CRLF3: variants seen among roughly 807,000 people sequenced by gnomAD.
CRLF3 encodes the protein cytokine receptor like factor 3.
A neutral mutation model predicts 55.0 loss-of-function variants in CRLF3; 33 were observed. That is an observed-to-expected ratio of 0.60 (90% CI 0.46 to 0.80). The LOEUF is 0.80. CRLF3 is among the 30% of genes least tolerant of loss of function. CRLF3 has a pLI of 0.00. For synonymous variants in CRLF3, 238 were observed against 196.8 expected, an observed-to-expected ratio of 1.21 and a Z score of -1.75; for missense variants, 494 against 538.4, an observed-to-expected ratio of 0.92 and a Z score of 0.82.
At chr17:30,798,111 A>G (rs1971952134) in intron 2 of CRLF3, among the ~76,000 whole-genome samples, 3 of 152,006 alleles carry the variant, frequency 2.0e-5, no homozygotes, top group African/African-American at 2.4e-5. Flanking sequence ...TGGGTGCGGT[A>G]GCTCACGCCT....
chr17:30,797,926 C>T (rs1039998533), intron 2 of CRLF3, among the ~76,000 whole-genome samples: 5 of 148,684 alleles, frequency 3.4e-5, no homozygotes, highest in African/African-American at 1.3e-4. Context: ...ACGTGCACGC[C>T]ACCATGCCCA....
At chr17:30,791,476 G>C (rs978645906) in intron 6 of CRLF3, among the ~76,000 whole-genome samples, 1 of 151,760 alleles carries the variant, frequency 6.6e-6, no homozygotes. Context: ...CAAAGTGCTG[G>C]GATTACAAGT....
chr17:30,794,682 C>CA (rs1291508819), intron 4 of CRLF3, among the ~76,000 whole-genome samples: 1 of 152,052 alleles, frequency 6.6e-6, no homozygotes, highest in Admixed American at 6.6e-5. Flanking sequence ...GCCTGAAGTC[C>CA]CAATTACTTG....
chr17:30,812,177 G>C (rs908702943), intron 1 of CRLF3, among the ~76,000 whole-genome samples: 1 of 151,888 alleles, frequency 6.6e-6, no homozygotes, highest in Admixed American at 6.6e-5. Context: ...AATTGAAAAC[G>C]CTAATCAACA....
intron 6 of CRLF3, chr17:30,790,655 C>G (rs1223862427): frequency 8.2e-6 from 1 of 121,702 alleles, no homozygotes; most frequent in Non-Finnish European, 1.6e-5. Context: ...CTTGCACTGT[C>G]TCCCAGGCTG....
rs554016959 is a variant in CRLF3, at chr17:30,784,452, TTAAGG to T, written c.1073-14_1073-10del. ...ATTGACAAAAACTGCACCTAAAATG[TTAAGG>T]TAAAGAGTCATTTACATGTGAGCAA... On this transcript the variant is annotated splice_polypyrimidine_tract_variant and intron_variant, in intron 7 of 7. Coordinates refer to ENST00000324238, the MANE Select transcript of CRLF3 (RefSeq NM_015986.4). The T allele has an allele frequency of 3.8e-4, 616 of 1,608,788 alleles. No homozygotes were observed. The highest frequency in any genetic ancestry group is 6.6e-4 in the Middle Eastern group (4 of 6,030).
chr17:30,805,437 G>A (rs946673849), intron 1 of CRLF3, among the ~76,000 whole-genome samples: 12 of 152,074 alleles, frequency 7.9e-5, no homozygotes, highest in Admixed American at 5.9e-4. Context: ...ATGGTCAGCT[G>A]GGCATGGAGG....
At chr17:30,823,732 A>T (rs1905060554) in intron 1 of CRLF3, among the ~76,000 whole-genome samples, 2 of 152,052 alleles carry the variant, frequency 1.3e-5, no homozygotes, top group African/African-American at 2.4e-5. Context: ...TGTATCTTTG[A>T]TAACTCTTGC....
intron 2 of CRLF3, chr17:30,801,069 CA>C (rs1352409885): frequency 1.3e-5 from 2 of 151,500 alleles, no homozygotes; most frequent in African/African-American, 2.4e-5. Context: ...CCACTGTGCT[CA>C]GCACGCCTAG....
chr17:30,819,327 C>T lies in CRLF3; in HGVS notation c.129+5196G>A, dbSNP rs1343398856. On this transcript the variant is annotated intron_variant, in intron 1 of 7. Coordinates refer to ENST00000324238, the MANE Select transcript of CRLF3 (RefSeq NM_015986.4). Reference sequence around the variant, plus strand: ...GACACCTCCAGTACCTCAACTAATTCCCCTTTGATAATGTACCAAGATGAA... The same window carrying T: ...GACACCTCCAGTACCTCAACTAATTTCCCTTTGATAATGTACCAAGATGAA... Among the ~76,000 whole-genome samples the T allele has an allele frequency of 2.0e-5, 3 of 152,198 alleles. No homozygotes were observed. The East Asian group carries it at 5.8e-4, about 29-fold the overall frequency.
chr17:30,797,093 G>A (rs974687807), intron 3 of CRLF3, among the ~76,000 whole-genome samples: 1 of 151,956 alleles, frequency 6.6e-6, no homozygotes, highest in African/African-American at 2.4e-5. Flanking sequence ...GTTTCAACAT[G>A]TTGGCCAGGC....
Position 30,824,647 on chromosome 17 carries a change from C to G in CRLF3, c.5G>C (p.Arg2Thr), listed in dbSNP as rs754428135. Residue 2 changes from arginine to threonine, a missense_variant, in exon 1 of 8, where the codon AGG becomes ACG. Arg to Thr is a moderately conservative substitution (Grantham distance 71). Transcript: ENST00000324238. M[R>T]GAMELEPELL... ...CTCAGGCTCCAGCTCCATCGCCCCC[C>G]TCATCTGGCCGCGCGGCCGGCGAAA... The G allele has an allele frequency of 1.1e-5, 18 of 1,591,416 alleles. No homozygotes were observed. Among genetic ancestry groups the G allele is most frequent in the African/African-American group, 4.1e-5 (3 of 73,062 alleles).
At chr17:30,793,722 C>G in intron 4 of CRLF3, 50 bp from the exon 5 acceptor site, 1 of 1,344,386 alleles carries the variant, frequency 7.4e-7, no homozygotes, top group Non-Finnish European at 1.0e-6. Context: ...TGACTTCTCT[C>G]AGCATCACTG....
chr17:30,809,636 T>C (rs181821570), intron 1 of CRLF3: 1 of 152,286 alleles, frequency 6.6e-6, no homozygotes, highest in East Asian at 1.9e-4. Context: ...CATTACACCA[T>C]GCTGTTTTGT....
At chr17:30,808,653 C>A (rs780080375) in intron 1 of CRLF3, among the ~76,000 whole-genome samples, 4 of 146,724 alleles carry the variant, frequency 2.7e-5, no homozygotes, top group Non-Finnish European at 6.0e-5. Context: ...AGTGCAGTGG[C>A]GCCAACTCGG....
chr17:30,802,163 C>A lies in CRLF3; in HGVS notation c.337+1738G>T, dbSNP rs377638518. On this transcript the variant is annotated intron_variant, in intron 2 of 7. Coordinates refer to ENST00000324238, the MANE Select transcript of CRLF3 (RefSeq NM_015986.4). ...TTTGAGAGGGAGTCTCACTCTGTCA[C>A]CCAGGCTGGAGTGCAGTGGTGCAAT... is the stretch of plus-strand genomic sequence containing the variant. Among the ~76,000 whole-genome samples, 14 of 152,164 alleles carry A rather than the reference C, an allele frequency of 9.2e-5. No individual in the cohort carries two copies. In the East Asian group the frequency reaches 2.5e-3, roughly 27 times the overall value.
chr17:30,803,771 C>T (rs924069839), intron 2 of CRLF3, 130 bp downstream of exon 2: 18 of 736,656 alleles, frequency 2.4e-5, no homozygotes, highest in Non-Finnish European at 4.0e-5. Context: ...TGTGAGGCCT[C>T]CCCAGCCACA....
intron 7 of CRLF3, 54 bp from the exon 8 acceptor site, chr17:30,784,497 G>T (rs1323179750): frequency 1.5e-5 from 22 of 1,471,438 alleles, no homozygotes; most frequent in Non-Finnish European, 1.9e-5. Flanking sequence ...TAAGAGATCT[G>T]AAATAGTTTC....
rs566287235 is a variant in CRLF3, at chr17:30,797,173, A to G, written c.425+138T>C. 5.0e-5 allele frequency: 34 copies of G among 686,282 alleles called. No individual in the cohort carries two copies. The Admixed American group carries it at 7.9e-4, about 16-fold the overall frequency. 42.5% of individuals were successfully genotyped at this position (686,282 alleles called of 1,614,324 possible). Reference sequence around the variant, plus strand: ...CCCAACGTGCTGGGATTACAGGTGTAAACCACCACGCATGGTCTGAAAACC... The same window carrying G: ...CCCAACGTGCTGGGATTACAGGTGTGAACCACCACGCATGGTCTGAAAACC... On this transcript the variant is annotated intron_variant, in intron 3 of 7. Coordinates refer to ENST00000324238, the MANE Select transcript of CRLF3 (RefSeq NM_015986.4).
Sources: allele counts gnomAD v4.1 joint callset (sites outside exome capture counted in the v4.1 genomes callset), GRCh38; gene constraint gnomAD v4.1.1; transcripts MANE v1.5; gene names NCBI Gene and HGNC (gene_info 2026-07-23, HGNC 2026-07-21).